Variants in NSD2 observed in about 807,000 individuals in gnomAD.
NSD2 encodes the protein histone-lysine N-methyltransferase NSD2.
A neutral mutation model predicts 139.0 loss-of-function variants in NSD2; 12 were observed. The ratio of observed to expected loss-of-function variants is 0.09; its 90% CI spans 0.06 to 0.14. The LOEUF (loss-of-function observed/expected upper bound fraction) is 0.14. NSD2 is among the 10% of genes least tolerant of loss of function. The probability of loss-of-function intolerance (pLI) is 1.00; values close to 1 mark genes in which losing one functional copy is unlikely to be tolerated. For missense variants in NSD2, 1,155 were observed against 1,745.0 expected (o/e 0.66, Z 6.02); for synonymous variants, 669 against 648.7 (o/e 1.03, Z -0.48).
In NSD2 at chr4:1,948,586, A is replaced by G. The variant is rs1723884629; in HGVS notation, c.1882-2486A>G. On this transcript the variant is annotated intron_variant, in intron 9 of 21. Transcript: ENST00000508803. The surrounding 1 kb of genome is among the most constrained non-coding windows in gnomAD (Gnocchi z 4.5). ...GTGGGAAAAAGTCGGAATCTCTGCA[A>G]TCTGTGTCATGGACTGTACTATTGT... 1 of 1,063,758 alleles carries G rather than the reference A, an allele frequency of 9.4e-7. No individual in the cohort carries two copies. Among genetic ancestry groups the G allele is most frequent in the Non-Finnish European group, 1.1e-6 (1 of 877,442 alleles). 65.9% of individuals were successfully genotyped at this position (1,063,758 alleles called of 1,614,324 possible). A position where few individuals can be genotyped will look rare whatever the true frequency, so the allele number is the denominator to read the frequency against.
In NSD2 at chr4:1,974,264, G is replaced by A. The variant is rs1726825249; in HGVS notation, c.3373-599G>A. Among the ~76,000 whole-genome samples the A allele has an allele frequency of 6.6e-6, 1 of 151,362 alleles. No homozygotes were observed. The highest frequency in any genetic ancestry group is 1.5e-5 in the Non-Finnish European group (1 of 67,870). Reference sequence around the variant, plus strand: ...TTGCTTTTGTTGCCCAGGCTGGAGTGCAGTGGCGCGATCTCCACTCTCTGT... The same window carrying A: ...TTGCTTTTGTTGCCCAGGCTGGAGTACAGTGGCGCGATCTCCACTCTCTGT... On this transcript the variant is annotated intron_variant, in intron 18 of 21. Transcript: ENST00000508803. This position sits in a 1 kb window ranked among gnomAD's most constrained non-coding sequence, Gnocchi z 4.0.
At chr4:1,947,107 C>T (rs886530621) in intron 9 of NSD2, 33 of 1,065,006 alleles carry the variant, frequency 3.1e-5, no homozygotes, top group Non-Finnish European at 3.5e-5. Context: ...TGTCATTGTC[C>T]TCAAGTCCTT....
chr4:1,959,434 CAT>C lies in NSD2; in HGVS notation c.2986-36_2986-35del, dbSNP rs780569193. 1.3e-4 allele frequency: 207 copies of C among 1,599,516 alleles called. 1 individual carries two copies. The highest frequency in any genetic ancestry group is 1.2e-3 in the Middle Eastern group (7 of 5,988). ...TGTGCAAGGGTATTCGGAAGGCTCT[CAT>C]GTGTGGACCAAGACAGCTTACTCCT... is the stretch of plus-strand genomic sequence containing the variant. On this transcript the variant is annotated intron_variant, in intron 16 of 21. Transcript: ENST00000508803.
intron 9 of NSD2, chr4:1,947,215 C>A: frequency 9.4e-7 from 1 of 1,064,598 alleles, no homozygotes; most frequent in Non-Finnish European, 1.1e-6. Flanking sequence ...CACAGTGGGA[C>A]AAAGTTGGGT....
intron 1 of NSD2, among the ~76,000 whole-genome samples, chr4:1,882,612 T>C (rs1714785745): frequency 6.6e-6 from 1 of 152,020 alleles, no homozygotes; most frequent in African/African-American, 2.4e-5. Context: ...TGCAGTGAGC[T>C]GAGATCGCGC....
In NSD2 at chr4:1,972,589, G is replaced by A. The variant is rs929188254; in HGVS notation, c.3373-2274G>A. ...GGGAGTGGGGCCAAAGCCAGGGCCGGGCAGCCCACGTACCACGCACTGATG... is the reference window on the plus strand; with the variant it reads ...GGGAGTGGGGCCAAAGCCAGGGCCGAGCAGCCCACGTACCACGCACTGATG... On this transcript the variant is annotated intron_variant, in intron 18 of 21. Transcript: ENST00000508803. The surrounding 1 kb of genome is among the most constrained non-coding windows in gnomAD (Gnocchi z 4.0). Among the ~76,000 whole-genome samples the A allele has an allele frequency of 6.6e-5, 10 of 152,178 alleles. No individual in the cohort carries two copies. The highest frequency in any genetic ancestry group is 5.9e-4 in the Admixed American group (9 of 15,276).
intron 7 of NSD2, 35 bp from the exon 8 acceptor site, chr4:1,938,393 TTTCTTTTCTTTTTTTTTTCTTTC>T: frequency 7.7e-7 from 1 of 1,292,334 alleles, no homozygotes. Context: ...TTTTCCTTTT[TTTCTTTTCTTTTTTTTTTCTTTC>T]TTTTTTTTTT....
At chr4:1,968,416 T>C (rs1726104417) in intron 18 of NSD2, among the ~76,000 whole-genome samples, 3 of 152,328 alleles carry the variant, frequency 2.0e-5, no homozygotes, top group African/African-American at 7.2e-5. Flanking sequence ...GGTGAGCTGC[T>C]TGTTCTGTGA....
intron 11 of NSD2, chr4:1,952,733 C>T (rs1031123109): frequency 1.9e-5 from 21 of 1,079,616 alleles, no homozygotes; most frequent in South Asian, 3.5e-5. Flanking sequence ...GTTGTTCTGC[C>T]TCCATGTTAC....
intron 9 of NSD2, chr4:1,940,021 C>T: frequency 7.3e-7 from 1 of 1,364,388 alleles, no homozygotes; most frequent in Non-Finnish European, 9.5e-7. Context: ...TACAGATATA[C>T]TTCAGTCTTG....
Position 1,978,923 on chromosome 4 carries a change from C to T in NSD2, c.*14C>T. ...GAGGGCAAATAGCGCCAGGCGGCCG[C>T]TTGGCCGGATCCAGGGGCGGTGCAG... On this transcript the variant is annotated 3_prime_UTR_variant, in exon 22 of 22. Coordinates refer to ENST00000508803, the MANE Select transcript of NSD2 (RefSeq NM_001042424.3). 7 of 1,486,802 alleles carry T rather than the reference C, an allele frequency of 4.7e-6. No homozygotes were observed. The highest frequency in any genetic ancestry group is 1.4e-5 in the South Asian group (1 of 73,520). 92.1% of individuals were successfully genotyped at this position (1,486,802 alleles called of 1,614,324 possible).
chr4:1,953,580 C>T, intron 12 of NSD2, 56 bp downstream of exon 12: 1 of 1,520,182 alleles, frequency 6.6e-7, no homozygotes, highest in Non-Finnish European at 8.8e-7. Flanking sequence ...CAGACGCAGG[C>T]CCATGGGCGC....
chr4:1,962,433 T>C (rs1326102006), intron 18 of NSD2, among the ~76,000 whole-genome samples: 1 of 152,212 alleles, frequency 6.6e-6, no homozygotes, highest in East Asian at 1.9e-4. Context: ...TTCATAGGTA[T>C]GGAAAGTGTT....
chr4:1,976,507 C>G lies in NSD2; in HGVS notation c.3654C>G (p.Gly1218=). The G allele has an allele frequency of 6.2e-7, 1 of 1,613,762 alleles. No homozygotes were observed. The highest frequency in any genetic ancestry group is 1.1e-5 in the South Asian group (1 of 90,956). Residue 1218 remains glycine (G), a synonymous_variant, in exon 21 of 22, where the codon GGC becomes GGG. Coordinates refer to ENST00000508803, the MANE Select transcript of NSD2 (RefSeq NM_001042424.3). This position sits in a 1 kb window ranked among gnomAD's most constrained non-coding sequence, Gnocchi z 5.3. Reference sequence around the variant, plus strand: ...CGACCCTTTCATCAGAGGAAAAGGGCAAAAAGACCAAGAAGAAAACGAGGC... The same window carrying G: ...CGACCCTTTCATCAGAGGAAAAGGGGAAAAAGACCAAGAAGAAAACGAGGC... ...TSTTLSSEEK[G]KKTKKKTRRR...
rs1304604210 is a variant in NSD2 at position 1,876,208 on chromosome 4, CT to C, written c.-30+4667del. Among the ~76,000 whole-genome samples the C allele has an allele frequency of 4.6e-5, 7 of 151,572 alleles. 1 individual carries two copies. The East Asian group carries it at 9.7e-4, about 21-fold the overall frequency. ...CACCCTGGTTGACAGAGCAAGACCC[CT>C]GTCTCAAAAAAAAAAAACCAAGACA... On this transcript the variant is annotated intron_variant, in intron 1 of 21. Coordinates refer to ENST00000508803, the MANE Select transcript of NSD2 (RefSeq NM_001042424.3).
intron 12 of NSD2, among the ~76,000 whole-genome samples, chr4:1,953,936 G>A (rs1473639547): frequency 6.6e-6 from 1 of 150,618 alleles, no homozygotes; most frequent in Non-Finnish European, 1.5e-5. Flanking sequence ...TCAGCCTCCT[G>A]AGTAGCTGGA....
At chr4:1,971,481 G>C (rs948034725) in intron 18 of NSD2, among the ~76,000 whole-genome samples, 11 of 152,152 alleles carry the variant, frequency 7.2e-5, no homozygotes, top group African/African-American at 2.7e-4. Context: ...CTGTCGAAAA[G>C]AAGGACAGAA....
chr4:1,945,298 G>A (rs1723504700), intron 9 of NSD2: 1 of 1,065,934 alleles, frequency 9.4e-7, no homozygotes, highest in Admixed American at 5.3e-5. Context: ...GCACACCACA[G>A]GAAAGGAGGG....
chr4:1,969,009 C>T (rs1313607442), intron 18 of NSD2, among the ~76,000 whole-genome samples: 2 of 152,248 alleles, frequency 1.3e-5, no homozygotes, highest in African/African-American at 4.8e-5. Flanking sequence ...GACCCATCCA[C>T]TGAAAGTCCA....
Sources: gnomAD v4.1 joint callset for allele counts (sites outside exome capture counted in the v4.1 genomes callset) on GRCh38, gnomAD v4.1.1 for gene constraint, Gnocchi (gnomAD v3.1) non-coding constraint, MANE v1.5 for transcripts, NCBI Gene and HGNC (gene_info 2026-07-23, HGNC 2026-07-21) for gene names.